The following DYNC2I1 variants were observed in gnomAD, a reference collection of about 807,000 sequenced individuals.
DYNC2I1 encodes dynein 2 intermediate chain 1, also known as cytoplasmic dynein 2 intermediate chain 1.
In DYNC2I1, 89 loss-of-function variants were observed where a neutral mutation model predicts 133.4. That is an observed-to-expected ratio of 0.67 (90% CI 0.56 to 0.80). DYNC2I1 has a LOEUF of 0.80. DYNC2I1 is among the 30% of genes least tolerant of loss of function. The probability of loss-of-function intolerance (pLI) is 0.00; values close to 1 mark genes in which losing one functional copy is unlikely to be tolerated. For synonymous variants in DYNC2I1, 504 were observed against 484.3 expected, an observed-to-expected ratio of 1.04 and a Z score of -0.54; for missense variants, 1,291 against 1,314.5, an observed-to-expected ratio of 0.98 and a Z score of 0.28.
chr7:158,895,116 C>A (rs1001448134), intron 8 of DYNC2I1, among the ~76,000 whole-genome samples: 1 of 152,206 alleles, frequency 6.6e-6, no homozygotes, highest in Non-Finnish European at 1.5e-5. Flanking sequence ...TTCCTGTTGA[C>A]ATTGTCTCTT....
chr7:158,945,523 C>A lies in DYNC2I1; in HGVS notation c.3003-58C>A. The A allele has an allele frequency of 1.3e-6, 2 of 1,515,654 alleles. No individual in the cohort carries two copies. Among genetic ancestry groups the A allele is most frequent in the Non-Finnish European group, 1.8e-6 (2 of 1,125,710 alleles). 93.9% of individuals were successfully genotyped at this position (1,515,654 alleles called of 1,614,324 possible). On this transcript the variant is annotated intron_variant, in intron 24 of 24. Transcript: ENST00000407559. The surrounding 1 kb of genome is among the most constrained non-coding windows in gnomAD (Gnocchi z 4.1). ...AAGGTAGACATTTTGAAGACTCAGA[C>A]AGAACCGAATGTCCCTTTGTGTGCA...
chr7:158,891,986 T>C (rs1188100861), intron 8 of DYNC2I1, among the ~76,000 whole-genome samples: 1 of 151,994 alleles, frequency 6.6e-6, no homozygotes, highest in African/African-American at 2.4e-5. Context: ...GGAGAGCACT[T>C]GGGGCTCTCC....
At chr7:158,906,195 T>C in intron 11 of DYNC2I1, 104 bp downstream of exon 11, 1 of 975,384 alleles carries the variant, frequency 1.0e-6, no homozygotes, top group Non-Finnish European at 1.5e-6. Context: ...TTTACTACTG[T>C]TTTTTGGGGT....
chr7:158,871,747 G>A lies in DYNC2I1; in HGVS notation c.490+185G>A, dbSNP rs547459020. Among the ~76,000 whole-genome samples, 185 of 152,094 alleles carry A rather than the reference G, an allele frequency of 1.2e-3. 1 individual carries two copies. The highest frequency in any genetic ancestry group is 4.3e-3 in the African/African-American group (180 of 41,500). ...GAGCAGTGGTGCCATCACAGCTCAC[G>A]GCAGCCTCAACTTCCTGGGCTCAAG... On this transcript the variant is annotated intron_variant, in intron 3 of 24. Coordinates refer to ENST00000407559, the MANE Select transcript of DYNC2I1 (RefSeq NM_018051.5).
chr7:158,875,269 A>G (rs1019680727), intron 3 of DYNC2I1, among the ~76,000 whole-genome samples: 4 of 151,606 alleles, frequency 2.6e-5, no homozygotes, highest in African/African-American at 4.9e-5. Context: ...TAATTTTTGT[A>G]TTTTTAGTAA....
Position 158,926,273 on chromosome 7 carries a change from G to T in DYNC2I1, c.2344G>T (p.Val782Leu), listed in dbSNP as rs1309195579. Residue 782 changes from valine to leucine, a missense_variant, in exon 18 of 25, where the codon GTG becomes TTG. Val to Leu is a conservative substitution (Grantham distance 32, BLOSUM62 1). Coordinates refer to ENST00000407559, the MANE Select transcript of DYNC2I1 (RefSeq NM_018051.5). ...GTCCGTCCACAAAAAGCAGAGCTTT[G>T]TGCTTTCACCCTTTTCTACTCAAGA... is the stretch of plus-strand genomic sequence containing the variant. ...STSVHKKQSFVLSPFSTQEEM... is the reference protein window; with the variant it reads ...STSVHKKQSFLLSPFSTQEEM... The T allele has an allele frequency of 6.2e-7, 1 of 1,612,912 alleles. No individual in the cohort carries two copies. The highest frequency in any genetic ancestry group is 8.5e-7 in the Non-Finnish European group (1 of 1,179,534).
rs144608006 is a variant in DYNC2I1 at position 158,945,423 on chromosome 7, A to G, written c.3003-158A>G. Reference sequence around the variant, plus strand: ...GACATGCGGAAATGCATTTTCACACATTTATTTCTGGTCTAGCTTTCATTT... The same window carrying G: ...GACATGCGGAAATGCATTTTCACACGTTTATTTCTGGTCTAGCTTTCATTT... On this transcript the variant is annotated intron_variant, in intron 24 of 24. Transcript: ENST00000407559. This position sits in a 1 kb window ranked among gnomAD's most constrained non-coding sequence, Gnocchi z 4.1. 4.6e-4 allele frequency among the ~76,000 whole-genome samples: 70 copies of G among 152,252 alleles called. No individual in the cohort carries two copies. The highest frequency in any genetic ancestry group is 1.6e-3 in the African/African-American group (66 of 41,542).
Position 158,879,956 on chromosome 7 carries a change from G to T in DYNC2I1, c.846G>T (p.Ser282=), listed in dbSNP as rs1294563167. 6.9e-6 allele frequency: 11 copies of T among 1,602,208 alleles called. No homozygotes were observed. The Admixed American group carries it at 1.6e-4, about 23-fold the overall frequency. Residue 282 remains serine, a synonymous_variant, in exon 5 of 25, where the codon TCG becomes TCT. Coordinates refer to ENST00000407559, the MANE Select transcript of DYNC2I1 (RefSeq NM_018051.5). ...HQSNVDRKEK[S]AKDEPRKRES... ...GCAACGTGGATAGAAAAGAGAAATC[G>T]GCAAAAGATGAGCCCAGGAAAAGGG...
At chr7:158,914,124 C>G in intron 13 of DYNC2I1, 109 bp from the exon 14 acceptor site, 1 of 819,106 alleles carries the variant, frequency 1.2e-6, no homozygotes, top group South Asian at 2.0e-5. Flanking sequence ...TCTTTTCCTT[C>G]TGGGACTCTT....
intron 14 of DYNC2I1, among the ~76,000 whole-genome samples, chr7:158,917,135 G>C (rs112364412): frequency 1.4e-5 from 2 of 139,980 alleles, no homozygotes; most frequent in African/African-American, 5.6e-5. Flanking sequence ...TCGACACGCT[G>C]GTTGAGATTA....
chr7:158,840,263 G>A, the DYNC2I1 span, among the ~76,000 whole-genome samples: 74 of 151,692 alleles, frequency 4.9e-4, no homozygotes, highest in African/African-American at 1.7e-3. Flanking sequence ...AAAAAAATCA[G>A]AAATTAAGAA....
At chr7:158,938,458 C>T (rs1850990382) in intron 23 of DYNC2I1, among the ~76,000 whole-genome samples, 1 of 152,146 alleles carries the variant, frequency 6.6e-6, no homozygotes, top group South Asian at 2.1e-4. Flanking sequence ...ACCCATCTTG[C>T]AAGAAATGCT....
At chr7:158,854,236 A>G (rs1020140598), upstream of DYNC2I1, among the ~76,000 whole-genome samples, 1 of 152,138 alleles carries the variant, frequency 6.6e-6, no homozygotes, top group Non-Finnish European at 1.5e-5. Context: ...CAATAGTGAT[A>G]TTATCCCTAG....
At chr7:158,867,398 C>T (rs552200107) in intron 1 of DYNC2I1, among the ~76,000 whole-genome samples, 6 of 152,306 alleles carry the variant, frequency 3.9e-5, no homozygotes, top group East Asian at 1.9e-4. Context: ...GGCCTCAGTG[C>T]AGCTGTGGAG....
Position 158,856,602 on chromosome 7 carries a change from G to A in DYNC2I1, c.-134G>A. The A allele has an allele frequency of 3.2e-6, 3 of 950,956 alleles. No individual in the cohort carries two copies. The highest frequency in any genetic ancestry group is 4.1e-6 in the Non-Finnish European group (3 of 732,612). The allele number at this position is 950,956 out of a possible 1,614,324, so 58.9% of individuals were successfully genotyped here. On this transcript the variant is annotated 5_prime_UTR_variant, in exon 1 of 25. Transcript: ENST00000407559. ...GCTGGGCAGTGCTTCTGGGCCCTCT[G>A]CTGCTCCTGCTTGTCGGTTGCTAGG...
chr7:158,847,362 GTGA>G, the DYNC2I1 span, among the ~76,000 whole-genome samples: 1 of 151,970 alleles, frequency 6.6e-6, no homozygotes, highest in African/African-American at 2.4e-5. Context: ...ACTTTAAATA[GTGA>G]CTCTTAAACC....
chr7:158,915,166 C>T (rs1036310486), intron 14 of DYNC2I1, among the ~76,000 whole-genome samples: 65 of 150,970 alleles, frequency 4.3e-4, no homozygotes, highest in Middle Eastern at 3.5e-3. Flanking sequence ...AATGTCAACA[C>T]GCTGGTTGAC....
At chr7:158,949,462 C>T (rs980468890), downstream of DYNC2I1, among the ~76,000 whole-genome samples, 1 of 152,234 alleles carries the variant, frequency 6.6e-6, no homozygotes, top group African/African-American at 2.4e-5. Context: ...CGGCCCTGTC[C>T]CCACTCCAGT....
chr7:158,889,864 G>A (rs912118847), intron 7 of DYNC2I1, among the ~76,000 whole-genome samples: 7 of 151,880 alleles, frequency 4.6e-5, no homozygotes, highest in African/African-American at 1.7e-4. Flanking sequence ...AATTAGCCGG[G>A]TGTGGTGGTG....
Sources: gnomAD v4.1 joint callset for allele counts (sites outside exome capture counted in the v4.1 genomes callset) on GRCh38, gnomAD v4.1.1 for gene constraint, Gnocchi (gnomAD v3.1) non-coding constraint, MANE v1.5 for transcripts, NCBI Gene and HGNC (gene_info 2026-07-23, HGNC 2026-07-21) for gene names.